MRPL13: variants seen among roughly 807,000 people sequenced by gnomAD.
MRPL13 encodes mitochondrial ribosomal protein L13.
A neutral mutation model predicts 29.0 loss-of-function variants in MRPL13; 33 were observed. The ratio of observed to expected loss-of-function variants is 1.14; its 90% CI spans 0.86 to 1.52. MRPL13 has a LOEUF of 1.52. MRPL13 is among the 40% of genes most tolerant of loss of function. The pLI, the probability that MRPL13 is intolerant of heterozygous loss-of-function variation, is 0.00. For missense variants in MRPL13, 227 were observed against 216.7 expected (o/e 1.05, Z -0.30); for synonymous variants, 77 against 68.4 (o/e 1.13, Z -0.62).
At chr8:120,435,778 T>G (rs986509918) in intron 2 of MRPL13, among the ~76,000 whole-genome samples, 3 of 152,128 alleles carry the variant, frequency 2.0e-5, no homozygotes, top group Admixed American at 6.6e-5. Flanking sequence ...TCCTCAGCCT[T>G]GCCAATGTCT....
rs537345349 is a variant in MRPL13 at position 120,443,967 on chromosome 8, A to C, written c.28-659T>G. Among the ~76,000 whole-genome samples, 12 of 152,120 alleles carry C rather than the reference A, an allele frequency of 7.9e-5. No homozygotes were observed. In the South Asian group the frequency reaches 1.9e-3, roughly 24 times the overall value. On this transcript the variant is annotated intron_variant, in intron 1 of 6. Coordinates refer to ENST00000306185, the MANE Select transcript of MRPL13 (RefSeq NM_014078.6). ...AATTCTTAGAAAATTCTAGGCCAGA[A>C]AGATCTCCACCAGATGCTTTCTCTA...
chr8:120,436,809 G>A (rs1207875623), intron 2 of MRPL13, among the ~76,000 whole-genome samples: 1 of 152,170 alleles, frequency 6.6e-6, no homozygotes, highest in Non-Finnish European at 1.5e-5. Flanking sequence ...TTGAAAAATA[G>A]CTATTCTGAA....
intron 1 of MRPL13, 107 bp downstream of exon 1, chr8:120,444,961 G>T: frequency 2.0e-6 from 3 of 1,482,368 alleles, no homozygotes; most frequent in South Asian, 2.3e-5. Flanking sequence ...TTGGCCGAGG[G>T]TCTCGGCTTC....
At chr8:120,404,876 C>T (rs1401914335) in intron 6 of MRPL13, among the ~76,000 whole-genome samples, 2 of 152,092 alleles carry the variant, frequency 1.3e-5, no homozygotes, top group African/African-American at 4.8e-5. Context: ...CTATATGATG[C>T]CTCTTAGGCT....
intron 6 of MRPL13, among the ~76,000 whole-genome samples, chr8:120,401,008 T>C (rs1812589515): frequency 6.6e-6 from 1 of 151,858 alleles, no homozygotes; most frequent in African/African-American, 2.4e-5. Flanking sequence ...CAGTAATAAA[T>C]AGCTCACCAA....
intron 2 of MRPL13, among the ~76,000 whole-genome samples, chr8:120,438,831 G>A (rs1382143077): frequency 6.6e-6 from 1 of 152,208 alleles, no homozygotes; most frequent in African/African-American, 2.4e-5. Flanking sequence ...TCAATGAAGA[G>A]ATGAGGTGGT....
chr8:120,442,489 A>G lies in MRPL13; in HGVS notation c.151+696T>C, dbSNP rs561814075. ...GTTAATTTTCTTTAAAATATCACAT[A>G]TTTTTATATATACATATTTGTATGT... is the stretch of plus-strand genomic sequence containing the variant. On this transcript the variant is annotated intron_variant, in intron 2 of 6. Transcript: ENST00000306185. Among the ~76,000 whole-genome samples the G allele has an allele frequency of 8.9e-4, 136 of 152,320 alleles. 1 individual carries two copies. Among genetic ancestry groups the G allele is most frequent in the East Asian group, 1.9e-4 (1 of 5,190 alleles).
At chr8:120,443,040 C>T (rs1813141730) in intron 2 of MRPL13, 145 bp downstream of exon 2, 2 of 829,144 alleles carry the variant, frequency 2.4e-6, no homozygotes, top group Non-Finnish European at 3.4e-6. Flanking sequence ...GTTTTGGGCG[C>T]TAGTATGGTT....
chr8:120,398,964 A>G (rs1812555674), intron 6 of MRPL13, among the ~76,000 whole-genome samples: 1 of 151,980 alleles, frequency 6.6e-6, no homozygotes, highest in Non-Finnish European at 1.5e-5. Context: ...CAGAATGAAA[A>G]GGAATGAACA....
intron 6 of MRPL13, among the ~76,000 whole-genome samples, chr8:120,399,403 T>A (rs1318096756): frequency 6.6e-6 from 1 of 152,256 alleles, no homozygotes; most frequent in Non-Finnish European, 1.5e-5. Context: ...CCAAGCTTCA[T>A]AAGTGAAGAA....
intron 1 of MRPL13, among the ~76,000 whole-genome samples, chr8:120,444,643 C>A (rs560059872): frequency 6.6e-6 from 1 of 152,162 alleles, no homozygotes; most frequent in Non-Finnish European, 1.5e-5. Flanking sequence ...TATTTCTGAA[C>A]AGTCTATTCT....
chr8:120,405,972 T>C (rs1002999961), intron 6 of MRPL13, among the ~76,000 whole-genome samples: 3 of 152,210 alleles, frequency 2.0e-5, no homozygotes, highest in Non-Finnish European at 4.4e-5. Flanking sequence ...TGAATGTATA[T>C]TGTACATTAG....
In MRPL13 at chr8:120,395,798, A is replaced by G. The variant is rs1812515693; in HGVS notation, c.*306T>C. ...GGCATTTTTGGAATGTGTAACTGCAATTCTATACACAGGGTCTGTTTTTTA... is the reference window on the plus strand; with the variant it reads ...GGCATTTTTGGAATGTGTAACTGCAGTTCTATACACAGGGTCTGTTTTTTA... On this transcript the variant is annotated 3_prime_UTR_variant, in exon 7 of 7. Transcript: ENST00000306185. 1 of 228,620 alleles carries G rather than the reference A, an allele frequency of 4.4e-6. No homozygotes were observed. Among genetic ancestry groups the G allele is most frequent in the South Asian group, 1.2e-4 (1 of 8,658 alleles). 14.2% of individuals were successfully genotyped at this position (228,620 alleles called of 1,614,324 possible).
chr8:120,396,152 TC>T (rs766009986), intron 6 of MRPL13, 27 bp from the exon 7 acceptor site: 4 of 1,531,580 alleles, frequency 2.6e-6, no homozygotes, highest in Admixed American at 1.8e-5. Flanking sequence ...ACATATTTCT[TC>T]ATGAATCATT....
At chr8:120,406,578 T>A (rs1192597787) in intron 6 of MRPL13, among the ~76,000 whole-genome samples, 1 of 151,430 alleles carries the variant, frequency 6.6e-6, no homozygotes, top group African/African-American at 2.4e-5. Flanking sequence ...TGTGTGTGTG[T>A]GTGTGTGTGT....
At chr8:120,418,726 A>G (rs533919528) in intron 5 of MRPL13, among the ~76,000 whole-genome samples, 76 of 152,242 alleles carry the variant, frequency 5.0e-4, no homozygotes, top group African/African-American at 1.8e-3. Flanking sequence ...GAAAGTGACA[A>G]TACAATCAGA....
intron 2 of MRPL13, among the ~76,000 whole-genome samples, chr8:120,435,423 A>G (rs192764839): frequency 3.7e-4 from 56 of 152,020 alleles, no homozygotes; most frequent in African/African-American, 1.1e-3. Flanking sequence ...GGAGTACCCA[A>G]TGTTTAACTC....
intron 6 of MRPL13, among the ~76,000 whole-genome samples, chr8:120,411,189 G>A (rs1471846867): frequency 1.3e-5 from 2 of 152,066 alleles, no homozygotes; most frequent in Admixed American, 1.3e-4. Context: ...AGACTACCAA[G>A]TAGCTGGGAC....
At chr8:120,413,683 C>T (rs1268640862) in intron 6 of MRPL13, among the ~76,000 whole-genome samples, 2 of 152,144 alleles carry the variant, frequency 1.3e-5, no homozygotes, top group Non-Finnish European at 2.9e-5. Flanking sequence ...AACTGAGAAT[C>T]ATTACGTTTT....
Sources: allele counts gnomAD v4.1 joint callset (sites outside exome capture counted in the v4.1 genomes callset), GRCh38; gene constraint gnomAD v4.1.1; transcripts MANE v1.5; gene names NCBI Gene and HGNC (gene_info 2026-07-23, HGNC 2026-07-21).